The following RBFOX1 variants were observed in gnomAD, a reference collection of about 807,000 sequenced individuals.
RBFOX1 encodes the protein RNA binding fox-1 homolog 1, also known as RNA binding protein fox-1 homolog 1.
Under a neutral mutation model 57.7 loss-of-function variants are expected in RBFOX1, and 8 were observed. That is an observed-to-expected ratio of 0.14 (90% CI 0.08 to 0.25). RBFOX1 has a LOEUF of 0.25. Among genes scored for constraint, RBFOX1 ranks in the 10% least tolerant of loss-of-function variants. RBFOX1 has a pLI of 1.00. For synonymous variants in RBFOX1, 326 were observed against 222.4 expected, an observed-to-expected ratio of 1.47 and a Z score of -4.15; for missense variants, 611 against 548.5, an observed-to-expected ratio of 1.11 and a Z score of -1.14.
At chr16:6,893,838 C>G (rs2066105760) in intron 3 of RBFOX1, among the ~76,000 whole-genome samples, 1 of 152,112 alleles carries the variant, frequency 6.6e-6, no homozygotes, top group Admixed American at 6.5e-5. Flanking sequence ...CTTAATACTT[C>G]AGGGCCAATG....
intron 3 of RBFOX1, among the ~76,000 whole-genome samples, chr16:5,785,013 G>C (rs1386830784): frequency 6.6e-6 from 1 of 152,174 alleles, no homozygotes; most frequent in Admixed American, 6.5e-5. Flanking sequence ...GGTTGTTGTG[G>C]GGATTAAATG....
intron 4 of RBFOX1, among the ~76,000 whole-genome samples, chr16:5,997,810 G>T (rs998359283): frequency 6.6e-6 from 1 of 152,100 alleles, no homozygotes. Context: ...TGTTTGCTTG[G>T]TTCTCATGTA....
intron 4 of RBFOX1, among the ~76,000 whole-genome samples, chr16:7,071,062 C>G (rs1017568465): frequency 1.1e-4 from 17 of 152,174 alleles, no homozygotes; most frequent in African/African-American, 3.9e-4. Context: ...CTTCACAAGC[C>G]TATCTTTACT....
chr16:7,050,706 C>G (rs1194270051), intron 3 of RBFOX1, among the ~76,000 whole-genome samples: 1 of 152,118 alleles, frequency 6.6e-6, no homozygotes, highest in Admixed American at 6.5e-5. Context: ...ATATTTAAAA[C>G]TATGTTTCTA....
At chr16:7,583,509 C>G (rs377044489) in intron 6 of RBFOX1, among the ~76,000 whole-genome samples, 3 of 152,300 alleles carry the variant, frequency 2.0e-5, no homozygotes, top group South Asian at 4.1e-4. Context: ...TTTAAACATT[C>G]TGGGTTTGAA....
intron 13 of RBFOX1, among the ~76,000 whole-genome samples, chr16:7,667,540 T>C (rs935565875): frequency 2.0e-5 from 3 of 152,210 alleles, no homozygotes; most frequent in Admixed American, 6.5e-5. Flanking sequence ...TCATGTGAGC[T>C]TCTACTTTAA....
At chr16:7,133,445 G>C (rs1248193340) in intron 4 of RBFOX1, among the ~76,000 whole-genome samples, 3 of 152,122 alleles carry the variant, frequency 2.0e-5, no homozygotes, top group African/African-American at 7.2e-5. Flanking sequence ...TCATTTAGTA[G>C]CATGTGAATA....
At chr16:6,007,108 A>C (rs2152334421) in intron 4 of RBFOX1, among the ~76,000 whole-genome samples, 1 of 152,220 alleles carries the variant, frequency 6.6e-6, no homozygotes, top group South Asian at 2.1e-4. Flanking sequence ...TATGACAGTC[A>C]CCCTCTAAGA....
chr16:6,444,632 CCT>C (rs1491103548), intron 2 of RBFOX1, among the ~76,000 whole-genome samples: 1 of 152,052 alleles, frequency 6.6e-6, no homozygotes, highest in Non-Finnish European at 1.5e-5. Context: ...GTCCATTAAA[CCT>C]TTTTTTTTTC....
At chr16:6,283,041 A>T (rs913050507) in intron 1 of RBFOX1, among the ~76,000 whole-genome samples, 3 of 152,146 alleles carry the variant, frequency 2.0e-5, no homozygotes, top group African/African-American at 7.2e-5. Flanking sequence ...TAAAACCCTT[A>T]CGCAACCAAA....
intron 4 of RBFOX1, among the ~76,000 whole-genome samples, chr16:7,227,114 G>A (rs2093174286): frequency 6.6e-6 from 1 of 152,104 alleles, no homozygotes; most frequent in Non-Finnish European, 1.5e-5. Flanking sequence ...TTTGGTCCTG[G>A]AGATATTTGA....
At chr16:6,565,787 G>A (rs562761875) in intron 2 of RBFOX1, among the ~76,000 whole-genome samples, 69 of 152,234 alleles carry the variant, frequency 4.5e-4, no homozygotes, top group South Asian at 3.3e-3. Flanking sequence ...TTTAATTTTT[G>A]CTATAAGCTC....
chr16:6,082,283 C>A (rs1421857131), intron 1 of RBFOX1, among the ~76,000 whole-genome samples: 1 of 139,796 alleles, frequency 7.2e-6, no homozygotes, highest in Non-Finnish European at 1.5e-5. Flanking sequence ...CAGATTCAAG[C>A]GATTCTCCTG....
intron 3 of RBFOX1, among the ~76,000 whole-genome samples, chr16:5,657,698 C>T (rs868632375): frequency 9.1e-6 from 1 of 110,356 alleles, no homozygotes; most frequent in African/African-American, 3.1e-5. Flanking sequence ...CTTTCTTTCT[C>T]CTTCTGTCTT....
At chr16:7,524,865 G>T (rs1466088954) in intron 5 of RBFOX1, among the ~76,000 whole-genome samples, 1 of 152,170 alleles carries the variant, frequency 6.6e-6, no homozygotes, top group African/African-American at 2.4e-5. Flanking sequence ...AATCACTAAG[G>T]TATAGGAAAA....
intron 1 of RBFOX1, among the ~76,000 whole-genome samples, chr16:6,223,157 A>G (rs1220913615): frequency 6.6e-6 from 1 of 150,712 alleles, no homozygotes; most frequent in Non-Finnish European, 1.5e-5. Context: ...GCCACAATAA[A>G]CATACGTGTG....
intron 1 of RBFOX1, among the ~76,000 whole-genome samples, chr16:6,074,141 G>A (rs2095868502): frequency 6.6e-6 from 1 of 152,018 alleles, no homozygotes; most frequent in Non-Finnish European, 1.5e-5. Flanking sequence ...GTAGAGACAG[G>A]ATTTCACCAT....
intron 1 of RBFOX1, among the ~76,000 whole-genome samples, chr16:5,308,831 C>G (rs538521500): frequency 2.0e-5 from 3 of 151,952 alleles, no homozygotes; most frequent in African/African-American, 7.3e-5. Flanking sequence ...AGATCTCTCT[C>G]GCAGATTCCC....
chr16:7,219,804 A>T (rs1435873631), intron 4 of RBFOX1, among the ~76,000 whole-genome samples: 3 of 152,188 alleles, frequency 2.0e-5, no homozygotes, highest in Non-Finnish European at 4.4e-5. Flanking sequence ...TATGTTTGTG[A>T]TATGAAAGCA....
Sources: gnomAD v4.1 joint callset for allele counts (sites outside exome capture counted in the v4.1 genomes callset) on GRCh38, gnomAD v4.1.1 for gene constraint, MANE v1.5 for transcripts, NCBI Gene and HGNC (gene_info 2026-07-23, HGNC 2026-07-21) for gene names.